AATF: variants seen among roughly 807,000 people sequenced by gnomAD.
AATF encodes apoptosis antagonizing transcription factor.
A neutral mutation model predicts 63.7 loss-of-function variants in AATF; 48 were observed. The observed-to-expected ratio is 0.75, with a 90% CI of 0.60 to 0.96. AATF has a LOEUF of 0.96. AATF is among the 40% of genes least tolerant of loss of function. The pLI is 0.00. For missense variants in AATF, 639 were observed against 685.7 expected, an observed-to-expected ratio of 0.93 and a Z score of 0.76; for synonymous variants, 258 against 247.7, an observed-to-expected ratio of 1.04 and a Z score of -0.39.
intron 4 of AATF, among the ~76,000 whole-genome samples, chr17:36,978,265 A>T (rs929641910): frequency 6.6e-6 from 1 of 152,134 alleles, no homozygotes; most frequent in Non-Finnish European, 1.5e-5. Flanking sequence ...ATTCTCTTAA[A>T]AGAAAAAAAT....
At position 36,952,955 on chromosome 17, in the gene AATF, A is replaced by G. The variant is rs2142201276; in HGVS notation, c.353A>G (p.Asp118Gly). 1.2e-6 allele frequency: 2 copies of G among 1,614,166 alleles called. No individual in the cohort carries two copies. The highest frequency in any genetic ancestry group is 1.1e-5 in the South Asian group (1 of 91,076). Residue 118 changes from aspartate (D) to glycine (G), a missense_variant, in exon 3 of 12, where the codon GAT becomes GGT. Coordinates refer to ENST00000619387, the MANE Select transcript of AATF (RefSeq NM_012138.4). ...DSEGLGLEEY[D>G]EDDLGAAEEQ... is the part of the protein sequence containing the mutation. The stretch of plus-strand genomic sequence containing the variant: ...GAGGGACTGGGTCTGGAGGAATATG[A>G]TGAGGACGACCTGGGTGCTGCTGAG...
At chr17:36,961,223 T>C (rs1313655820) in intron 4 of AATF, among the ~76,000 whole-genome samples, 1 of 152,250 alleles carries the variant, frequency 6.6e-6, no homozygotes, top group Non-Finnish European at 1.5e-5. Flanking sequence ...TCTGTATTGA[T>C]GGGTGCTTAG....
At position 37,003,915 on chromosome 17, in the gene AATF, G is replaced by T. The variant is rs146367632; in HGVS notation, c.1398+13058G>T. ...ATCAGGAGCTTGAGAACAGCCTTGG[G>T]CAACATGGCAAAACCCCATCTCTAC... On this transcript the variant is annotated intron_variant, in intron 8 of 11. Coordinates refer to ENST00000619387, the MANE Select transcript of AATF (RefSeq NM_012138.4). Among the ~76,000 whole-genome samples, 43 of 146,940 alleles carry T rather than the reference G, an allele frequency of 2.9e-4. No individual in the cohort carries two copies. The East Asian group carries it at 6.3e-3, about 21-fold the overall frequency.
At chr17:36,967,598 T>G (rs931345057) in intron 4 of AATF, among the ~76,000 whole-genome samples, 1 of 152,232 alleles carries the variant, frequency 6.6e-6, no homozygotes. Context: ...TCCTGGGTGT[T>G]ACCTTAGCTT....
rs779784024 is a variant in AATF, at chr17:36,988,556, G to C, written c.985G>C (p.Glu329Gln). ...TAGTGAAGATGATGAGCTGGTAGAA[G>C]AGAAGAAGCAGCAACGAAGAAGGGT... Reference protein sequence around the residue: ...ISSEDDELVEEKKQQRRRVPA... With the variant: ...ISSEDDELVEQKKQQRRRVPA... The change falls in exon 6 of 12, where the codon GAG becomes CAG. Residue 329 changes from glutamate to glutamine, a missense_variant. By Grantham distance (29) the Glu-to-Gln change is conservative. Coordinates refer to ENST00000619387, the MANE Select transcript of AATF (RefSeq NM_012138.4). The C allele has an allele frequency of 6.2e-7, 1 of 1,614,098 alleles. No individual in the cohort carries two copies. The highest frequency in any genetic ancestry group is 1.1e-5 in the South Asian group (1 of 91,072).
At chr17:36,954,552 A>G (rs2142203770) in intron 4 of AATF, among the ~76,000 whole-genome samples, 1 of 152,350 alleles carries the variant, frequency 6.6e-6, no homozygotes, top group South Asian at 2.1e-4. Context: ...GATCTTATTT[A>G]TATCTTTCTT....
chr17:36,958,505 T>G (rs1355709351), intron 4 of AATF, among the ~76,000 whole-genome samples: 1 of 152,170 alleles, frequency 6.6e-6, no homozygotes, highest in East Asian at 1.9e-4. Flanking sequence ...GAAATACATC[T>G]TTTATGTTGG....
chr17:36,999,211 A>G (rs745808489), intron 8 of AATF: 1 of 152,128 alleles, frequency 6.6e-6, no homozygotes, highest in Non-Finnish European at 1.5e-5. Context: ...TCATTTTGCT[A>G]TTGTCTACTT....
chr17:36,969,961 A>C (rs1485723829), intron 4 of AATF, among the ~76,000 whole-genome samples: 1 of 152,198 alleles, frequency 6.6e-6, no homozygotes. Flanking sequence ...AGCATCCTCC[A>C]TATTTTTTCT....
intron 8 of AATF, among the ~76,000 whole-genome samples, chr17:36,995,547 T>G (rs944850681): frequency 6.6e-6 from 1 of 152,114 alleles, no homozygotes; most frequent in Admixed American, 6.6e-5. Context: ...TATTTGTTGT[T>G]TTTATTTATC....
chr17:37,010,355 G>C lies in AATF; in HGVS notation c.1399-8650G>C, dbSNP rs111944487. 1.6e-3 allele frequency among the ~76,000 whole-genome samples: 237 copies of C among 152,322 alleles called. 2 individuals carry two copies. The highest frequency in any genetic ancestry group is 3.0e-3 in the Admixed American group (46 of 15,306). The stretch of plus-strand genomic sequence containing the variant: ...TGCCTGTAGTCCCAGCTACTTGAGA[G>C]GCTGAGGCAGGAGAATGGCGTGAAC... On this transcript the variant is annotated intron_variant, in intron 8 of 11. Transcript: ENST00000619387.
intron 7 of AATF, 28 bp from the exon 8 acceptor site, chr17:36,990,746 A>T (rs2071207720): frequency 1.4e-6 from 2 of 1,437,140 alleles, no homozygotes; most frequent in African/African-American, 1.4e-5. Context: ...GTTGGGATTC[A>T]CTCTTTTCTT....
At chr17:37,051,761 A>C (rs2071753699) in intron 11 of AATF, among the ~76,000 whole-genome samples, 1 of 151,786 alleles carries the variant, frequency 6.6e-6, no homozygotes, top group African/African-American at 2.4e-5. Flanking sequence ...AATGGCGGCT[A>C]ATCCATGATC....
In AATF at chr17:37,034,185, A is replaced by G. The variant is rs557640815; in HGVS notation, c.1619+2500A>G. Among the ~76,000 whole-genome samples the G allele has an allele frequency of 4.6e-5, 7 of 152,304 alleles. No individual in the cohort carries two copies. The East Asian group carries it at 1.2e-3, about 25-fold the overall frequency. On this transcript the variant is annotated intron_variant, in intron 11 of 11. Coordinates refer to ENST00000619387, the MANE Select transcript of AATF (RefSeq NM_012138.4). Reference sequence around the variant, plus strand: ...GCGCACCATTCTCATTGTGTTTCCTAAGGATAGGGAGACGTGTCCATATCA... The same window carrying G: ...GCGCACCATTCTCATTGTGTTTCCTGAGGATAGGGAGACGTGTCCATATCA...
At chr17:36,964,567 T>C (rs918567230) in intron 4 of AATF, among the ~76,000 whole-genome samples, 1 of 152,120 alleles carries the variant, frequency 6.6e-6, no homozygotes, top group Non-Finnish European at 1.5e-5. Context: ...GTAAATAAGG[T>C]AGACTACTAG....
intron 4 of AATF, among the ~76,000 whole-genome samples, chr17:36,982,780 A>G (rs1410081713): frequency 3.3e-5 from 5 of 152,208 alleles, no homozygotes; most frequent in Admixed American, 3.3e-4. Context: ...TGCAACCGTC[A>G]CCACCATCCA....
At chr17:36,976,958 A>G (rs1023675689) in intron 4 of AATF, among the ~76,000 whole-genome samples, 4 of 152,176 alleles carry the variant, frequency 2.6e-5, no homozygotes, top group African/African-American at 9.6e-5. Context: ...GTTTTGAGAC[A>G]CTCTAAGATA....
intron 11 of AATF, among the ~76,000 whole-genome samples, chr17:37,042,836 G>A (rs1439794433): frequency 2.7e-5 from 4 of 149,280 alleles, no homozygotes; most frequent in Non-Finnish European, 5.9e-5. Context: ...CCTCCTCCCG[G>A]GTTCACGCCA....
chr17:36,995,010 T>C (rs2071243891), intron 8 of AATF, among the ~76,000 whole-genome samples: 1 of 152,214 alleles, frequency 6.6e-6, no homozygotes, highest in Admixed American at 6.5e-5. Flanking sequence ...GATCGCAAAC[T>C]AGTTTCTTGT....
Sources: gnomAD v4.1 joint callset for allele counts (sites outside exome capture counted in the v4.1 genomes callset) on GRCh38, gnomAD v4.1.1 for gene constraint, MANE v1.5 for transcripts, NCBI Gene and HGNC (gene_info 2026-07-23, HGNC 2026-07-21) for gene names.